RAP1GAP2: variants seen among roughly 807,000 people sequenced by gnomAD.
RAP1GAP2 encodes the protein rap1 GTPase-activating protein 2.
RAP1GAP2 carries 27 observed loss-of-function variants against 95.0 expected under a neutral mutation model. The observed-to-expected ratio is 0.28, with a 90% CI of 0.21 to 0.39. The LOEUF (loss-of-function observed/expected upper bound fraction) is 0.39, where lower values mean the gene tolerates loss of function less well. Ranked by LOEUF, RAP1GAP2 falls within the 10% of genes least tolerant of loss-of-function variation. The pLI, the probability that RAP1GAP2 is intolerant of heterozygous loss-of-function variation, is 1.00. For synonymous variants in RAP1GAP2, 373 were observed against 380.9 expected (o/e 0.98, Z 0.24); for missense variants, 771 against 970.0 (o/e 0.79, Z 2.72).
In RAP1GAP2 at chr17:2,980,330, C is replaced by T; in HGVS notation, c.640C>T (p.Leu214=). The part of the protein sequence containing the change: ...TVHERIPLAG[L]SKLPSVPQIA... ...ACATGAGCGGATCCCCTTGGCTGGA[C>T]TGAGCAAGCTTCCCAGTGTCCCTCA... Residue 214 remains leucine (L), a synonymous_variant, in exon 9 of 25, where the codon CTG becomes TTG. Transcript: ENST00000254695. 2 of 1,613,934 alleles carry T rather than the reference C, an allele frequency of 1.2e-6. No homozygotes were observed. The highest frequency in any genetic ancestry group is 1.7e-6 in the Non-Finnish European group (2 of 1,179,868).
At chr17:2,879,938 G>A (rs1008746889) in intron 2 of RAP1GAP2, among the ~76,000 whole-genome samples, 2 of 152,072 alleles carry the variant, frequency 1.3e-5, no homozygotes, top group Non-Finnish European at 2.9e-5. Context: ...CCAAGAGACC[G>A]CAGGGTCCTT....
At chr17:3,013,712 T>A (rs554802933) in intron 17 of RAP1GAP2, among the ~76,000 whole-genome samples, 119 of 143,830 alleles carry the variant, frequency 8.3e-4, no homozygotes, top group African/African-American at 2.8e-3. Flanking sequence ...ACCAGTTGAA[T>A]TGTATTTTCA....
At chr17:2,964,582 C>G (rs67033735) in intron 7 of RAP1GAP2, 2 of 153,704 alleles carry the variant, frequency 1.3e-5, no homozygotes, top group Admixed American at 6.5e-5. Context: ...GACCACCCCC[C>G]GCAAATGTTT....
rs536649489 is a variant in RAP1GAP2, at chr17:2,890,503, C to A, written c.81-14781C>A. On this transcript the variant is annotated intron_variant, in intron 2 of 24. Transcript: ENST00000254695. ...GTGATAGGGAAACTTTCAGTGCTCA[C>A]AGACTGCTGGGGGATTTCTTAGCAT... 2.6e-5 allele frequency among the ~76,000 whole-genome samples: 4 copies of A among 152,248 alleles called. No homozygotes were observed. The South Asian group carries it at 6.2e-4, about 24-fold the overall frequency.
chr17:2,965,308 C>T lies in RAP1GAP2; in HGVS notation c.493-232C>T. The T allele has an allele frequency of 1.8e-6, 1 of 552,020 alleles. No individual in the cohort carries two copies. The highest frequency in any genetic ancestry group is 3.3e-6 in the Non-Finnish European group (1 of 307,468). The allele number at this position is 552,020 out of a possible 1,614,324, so 34.2% of individuals were successfully genotyped here. On this transcript the variant is annotated intron_variant, in intron 7 of 24. Transcript: ENST00000254695. This position sits in a 1 kb window ranked among gnomAD's most constrained non-coding sequence, Gnocchi z 4.7. Reference sequence around the variant, plus strand: ...TGGGGATGATGTTCTCTCCCGGATACAGCTGTGGTCAGGACTGAAGGAGAT... The same window carrying T: ...TGGGGATGATGTTCTCTCCCGGATATAGCTGTGGTCAGGACTGAAGGAGAT...
At position 2,870,415 on chromosome 17, in the gene RAP1GAP2, C is replaced by T. The variant is rs1444316405; in HGVS notation, c.81-34869C>T. On this transcript the variant is annotated intron_variant, in intron 2 of 24. Coordinates refer to ENST00000254695, the MANE Select transcript of RAP1GAP2 (RefSeq NM_015085.5). This position sits in a 1 kb window ranked among gnomAD's most constrained non-coding sequence, Gnocchi z 4.4. ...TACAGGCATGAGCCACCGTGCCCTG[C>T]CTGACAATCTGGTTTTTGAAAGAAA... Among the ~76,000 whole-genome samples the T allele has an allele frequency of 6.6e-6, 1 of 152,086 alleles. No individual in the cohort carries two copies. Among genetic ancestry groups the T allele is most frequent in the East Asian group, 1.9e-4 (1 of 5,192 alleles).
At chr17:2,935,750 C>G (rs1259976067) in intron 3 of RAP1GAP2, among the ~76,000 whole-genome samples, 1 of 152,176 alleles carries the variant, frequency 6.6e-6, no homozygotes, top group Non-Finnish European at 1.5e-5. Context: ...TCCAGTGTCA[C>G]AAAGGAGGCA....
chr17:2,841,950 G>T lies in RAP1GAP2; in HGVS notation c.80+41400G>T, dbSNP rs57349565. Among the ~76,000 whole-genome samples the T allele has an allele frequency of 3.1e-3, 471 of 152,306 alleles. 1 individual carries two copies. The highest frequency in any genetic ancestry group is 0.011 in the African/African-American group (443 of 41,580). The stretch of plus-strand genomic sequence containing the variant: ...AGGCAGGTGAGGAGACCTGGGTCAG[G>T]CAGGCTGTGGCAGCTGCCTGTGCAA... On this transcript the variant is annotated intron_variant, in intron 2 of 24. Transcript: ENST00000254695.
intron 2 of RAP1GAP2, among the ~76,000 whole-genome samples, chr17:2,843,029 G>A (rs144995203): frequency 2.0e-3 from 302 of 152,216 alleles, no homozygotes; most frequent in African/African-American, 6.7e-3. Context: ...AGGTGTACAC[G>A]GTGTCTGCCT....
chr17:2,977,614 G>A (rs371344828), intron 8 of RAP1GAP2, among the ~76,000 whole-genome samples: 3 of 151,700 alleles, frequency 2.0e-5, no homozygotes, highest in East Asian at 1.9e-4. Context: ...GCGTGGTGGC[G>A]CATGCCTGTA....
At chr17:2,888,379 G>T (rs546491030) in intron 2 of RAP1GAP2, among the ~76,000 whole-genome samples, 6 of 151,980 alleles carry the variant, frequency 3.9e-5, no homozygotes, top group Non-Finnish European at 8.8e-5. Context: ...TCCTCCTTTC[G>T]GTACTTTTGT....
intron 16 of RAP1GAP2, 101 bp from the exon 17 acceptor site, chr17:3,007,910 C>T (rs1417321852): frequency 7.1e-7 from 1 of 1,406,012 alleles, no homozygotes; most frequent in Non-Finnish European, 9.7e-7. Flanking sequence ...CCGGGCTGGG[C>T]AGAATGTCAG....
At chr17:2,961,520 CAA>C (rs956475255) in intron 4 of RAP1GAP2, among the ~76,000 whole-genome samples, 31 of 149,092 alleles carry the variant, frequency 2.1e-4, no homozygotes, top group African/African-American at 7.0e-4. Context: ...GTCTCAAAAA[CAA>C]AAACAAACAA....
upstream of RAP1GAP2, among the ~76,000 whole-genome samples, chr17:2,776,823 C>CGGAGGAGGAGGAGGAGGAGGAGGA: frequency 6.9e-6 from 1 of 144,116 alleles, no homozygotes; most frequent in Non-Finnish European, 1.5e-5. Context: ...CCCGCCGCCC[C>CGGAGGAGGAGGAGGAGGAGGAGGA]GGAGGAGGAG....
At chr17:3,017,348 A>G (rs2046803062) in intron 17 of RAP1GAP2, among the ~76,000 whole-genome samples, 2 of 151,692 alleles carry the variant, frequency 1.3e-5, no homozygotes, top group South Asian at 4.2e-4. Flanking sequence ...CACTTCTGCC[A>G]GGCTGAGGGT....
chr17:2,801,164 C>T (rs887427346), intron 2 of RAP1GAP2, among the ~76,000 whole-genome samples: 1 of 151,322 alleles, frequency 6.6e-6, no homozygotes, highest in Non-Finnish European at 1.5e-5. Flanking sequence ...CATTATCTTC[C>T]TATCACTTTA....
intron 1 of RAP1GAP2, among the ~76,000 whole-genome samples, chr17:2,782,537 T>C (rs2068684009): frequency 6.6e-6 from 1 of 152,112 alleles, no homozygotes; most frequent in Admixed American, 6.5e-5. Context: ...AGCAGAGTGG[T>C]CTCTGGGGCT....
At chr17:2,873,650 C>G (rs1263816111) in intron 2 of RAP1GAP2, among the ~76,000 whole-genome samples, 1 of 152,106 alleles carries the variant, frequency 6.6e-6, no homozygotes, top group Non-Finnish European at 1.5e-5. Flanking sequence ...TCATTCAAAA[C>G]TCAACAGACC....
At chr17:2,851,321 A>T (rs1030801296) in intron 2 of RAP1GAP2, among the ~76,000 whole-genome samples, 1 of 152,116 alleles carries the variant, frequency 6.6e-6, no homozygotes, top group African/African-American at 2.4e-5. Flanking sequence ...ATAAAGCTGG[A>T]CATACTGTAC....
Sources: gnomAD v4.1 joint callset for allele counts (sites outside exome capture counted in the v4.1 genomes callset) on GRCh38, gnomAD v4.1.1 for gene constraint, Gnocchi (gnomAD v3.1) non-coding constraint, MANE v1.5 for transcripts, NCBI Gene and HGNC (gene_info 2026-07-23, HGNC 2026-07-21) for gene names.